ANKRD55: variants seen among roughly 807,000 people sequenced by gnomAD.
ANKRD55 encodes ankyrin repeat domain-containing protein 55.
Under a neutral mutation model 60.6 loss-of-function variants are expected in ANKRD55, and 41 were observed. That is an observed-to-expected ratio of 0.68 (90% CI 0.53 to 0.88). The LOEUF (loss-of-function observed/expected upper bound fraction) is 0.88, where lower values mean the gene tolerates loss of function less well. ANKRD55 is among the 40% of genes least tolerant of loss of function. The pLI, the probability that ANKRD55 is intolerant of heterozygous loss-of-function variation, is 0.00. For synonymous variants in ANKRD55, 264 were observed against 290.3 expected (o/e 0.91, Z 0.92); for missense variants, 732 against 767.6 (o/e 0.95, Z 0.55).
intron 10 of ANKRD55, among the ~76,000 whole-genome samples, chr5:56,104,761 C>T (rs1401567957): frequency 1.3e-5 from 2 of 152,086 alleles, no homozygotes; most frequent in African/African-American, 4.8e-5. Context: ...GAGGAGAAAG[C>T]AAGGCGTTCA....
Position 56,111,396 on chromosome 5 carries a change from T to C in ANKRD55, c.1352A>G (p.His451Arg). The C allele has an allele frequency of 2.5e-6, 4 of 1,614,146 alleles. No individual in the cohort carries two copies. Among genetic ancestry groups the C allele is most frequent in the Non-Finnish European group, 3.4e-6 (4 of 1,180,036 alleles). Residue 451 changes from histidine (H) to arginine (R), a missense_variant, in exon 10 of 12, where the codon CAT becomes CGT. His to Arg is a conservative substitution (Grantham distance 29, BLOSUM62 0). Transcript: ENST00000341048. ...TLGNNFLTASHRATSHAGLSS... is the reference protein window; with the variant it reads ...TLGNNFLTASRRATSHAGLSS... ...CAGGCCTGCATGGGAAGTGGCCCTA[T>C]GGGAGGCTGTTAGGAAGTTATTGCC...
At chr5:56,158,180 A>AT (rs1216297013) in intron 6 of ANKRD55, among the ~76,000 whole-genome samples, 4 of 144,704 alleles carry the variant, frequency 2.8e-5, no homozygotes, top group Non-Finnish European at 6.3e-5. Flanking sequence ...GAATCTGTCT[A>AT]TTTAAAAAAA....
At chr5:56,212,088 ACG>A (rs1436626429) in intron 2 of ANKRD55, among the ~76,000 whole-genome samples, 3,617 of 80,696 alleles carry the variant, frequency 0.045, 132 homozygotes, top group African/African-American at 0.19. Flanking sequence ...ACACACACAC[ACG>A]CGTACCTATA....
chr5:56,147,878 CCTTTCTTCTTCTT>C (rs1205918373), intron 6 of ANKRD55, among the ~76,000 whole-genome samples: 1 of 152,162 alleles, frequency 6.6e-6, no homozygotes, highest in African/African-American at 2.4e-5. Flanking sequence ...GCTTCCTTCT[CCTTTCTTCTTCTT>C]CTTTCTTCAA....
At chr5:56,203,744 C>T (rs542012014) in intron 2 of ANKRD55, among the ~76,000 whole-genome samples, 1 of 152,212 alleles carries the variant, frequency 6.6e-6, no homozygotes, top group Admixed American at 6.5e-5. Context: ...ATTGTTGGAC[C>T]TTTGGGTTGG....
intron 7 of ANKRD55, chr5:56,137,203 G>A: frequency 1.2e-6 from 2 of 1,610,278 alleles, no homozygotes; most frequent in Admixed American, 3.3e-5. Flanking sequence ...GCCAAGCAGT[G>A]GGGCTGGACA....
intron 9 of ANKRD55, among the ~76,000 whole-genome samples, 168 bp downstream of exon 9, chr5:56,116,447 C>T (rs1447857723): frequency 2.0e-5 from 3 of 152,076 alleles, no homozygotes; most frequent in South Asian, 2.1e-4. Flanking sequence ...TAATGGCAAA[C>T]GTTAATTATA....
intron 2 of ANKRD55, among the ~76,000 whole-genome samples, chr5:56,203,036 T>C (rs1759417128): frequency 6.6e-6 from 1 of 152,198 alleles, no homozygotes; most frequent in East Asian, 1.9e-4. Flanking sequence ...GGAGGCAATA[T>C]ACACATTTAC....
intron 2 of ANKRD55, among the ~76,000 whole-genome samples, chr5:56,188,312 G>T (rs1358048358): frequency 6.6e-6 from 1 of 151,888 alleles, no homozygotes; most frequent in East Asian, 1.9e-4. Flanking sequence ...TCTTACCAGA[G>T]AAAGGTGGAG....
At chr5:56,201,621 G>A (rs531803212) in intron 2 of ANKRD55, among the ~76,000 whole-genome samples, 1 of 152,262 alleles carries the variant, frequency 6.6e-6, no homozygotes, top group East Asian at 1.9e-4. Flanking sequence ...AAATGGATAA[G>A]AATAGTGCCT....
intron 7 of ANKRD55, among the ~76,000 whole-genome samples, chr5:56,128,888 A>G (rs752392147): frequency 1.3e-5 from 2 of 152,228 alleles, no homozygotes; most frequent in South Asian, 4.1e-4. Flanking sequence ...AGAATGGTCT[A>G]TTAATTTGAT....
At chr5:56,182,992 G>C (rs1381510116) in intron 3 of ANKRD55, among the ~76,000 whole-genome samples, 1 of 152,184 alleles carries the variant, frequency 6.6e-6, no homozygotes, top group African/African-American at 2.4e-5. Context: ...TGGGTTGCCA[G>C]CTTCTTCAGC....
chr5:56,115,214 T>TAAATA (rs147508174), intron 9 of ANKRD55, among the ~76,000 whole-genome samples: 4,677 of 144,622 alleles, frequency 0.032, 256 homozygotes, highest in African/African-American at 0.11. Context: ...ATAATAATAA[T>TAAATA]AATAAATAAA....
chr5:56,214,980 C>T lies in ANKRD55; in HGVS notation c.58+17876G>A, dbSNP rs1237549770. ...TCTTACAGTTTTTTAAAATAGCAGA[C>T]TGTGTGCTGATTTACTGTGGTGAAT... is the stretch of plus-strand genomic sequence containing the variant. On this transcript the variant is annotated intron_variant, in intron 2 of 11. Coordinates refer to ENST00000341048, the MANE Select transcript of ANKRD55 (RefSeq NM_024669.3). Among the ~76,000 whole-genome samples the T allele has an allele frequency of 2.6e-5, 4 of 152,184 alleles. No individual in the cohort carries two copies. In the East Asian group the frequency reaches 7.7e-4, roughly 29 times the overall value.
chr5:56,221,700 C>T (rs573707851), intron 2 of ANKRD55, among the ~76,000 whole-genome samples: 2 of 152,382 alleles, frequency 1.3e-5, no homozygotes, highest in South Asian at 4.1e-4. Flanking sequence ...GAGATTATAT[C>T]CCGTGCCTAG....
At chr5:56,210,937 A>G (rs1373367108) in intron 2 of ANKRD55, among the ~76,000 whole-genome samples, 1 of 152,042 alleles carries the variant, frequency 6.6e-6, no homozygotes. Context: ...CCTTATATAT[A>G]CTCAATCATT....
chr5:56,195,569 G>A (rs1224434216), intron 2 of ANKRD55, among the ~76,000 whole-genome samples: 6 of 152,100 alleles, frequency 3.9e-5, no homozygotes, highest in Admixed American at 6.6e-5. Flanking sequence ...TCAGCCTCCC[G>A]AGTAGCTGGG....
chr5:56,142,193 T>C (rs1225960828), intron 7 of ANKRD55, among the ~76,000 whole-genome samples: 1 of 151,948 alleles, frequency 6.6e-6, no homozygotes, highest in Non-Finnish European at 1.5e-5. Flanking sequence ...CTGGGCATGG[T>C]GGTGTGTGCC....
rs1756927205 is a variant in ANKRD55, at chr5:56,117,933, A to G, written c.798-1151T>C. 3.3e-5 allele frequency among the ~76,000 whole-genome samples: 5 copies of G among 152,000 alleles called. 1 individual carries two copies. In the South Asian group the frequency reaches 1.0e-3, roughly 32 times the overall value. The stretch of plus-strand genomic sequence containing the variant: ...TGAGGCAGATGGATCATCTGAGGTC[A>G]GGAGTTCAAGAGCAGCCTGGCCAAC... On this transcript the variant is annotated intron_variant, in intron 8 of 11. Transcript: ENST00000341048.
Sources: allele counts gnomAD v4.1 joint callset (sites outside exome capture counted in the v4.1 genomes callset), GRCh38; gene constraint gnomAD v4.1.1; transcripts MANE v1.5; gene names NCBI Gene and HGNC (gene_info 2026-07-23, HGNC 2026-07-21).